Variants in SRFBP1 observed in about 807,000 individuals in gnomAD.
SRFBP1 encodes serum response factor-binding protein 1.
A neutral mutation model predicts 45.5 loss-of-function variants in SRFBP1; 47 were observed. The ratio of observed to expected loss-of-function variants is 1.03; its 90% CI spans 0.82 to 1.32. The LOEUF (loss-of-function observed/expected upper bound fraction) is 1.32. Ranked by LOEUF, SRFBP1 falls within the 40% of genes most tolerant of loss-of-function variation. SRFBP1 has a pLI of 0.00. For synonymous variants in SRFBP1, 203 were observed against 166.3 expected, an observed-to-expected ratio of 1.22 and a Z score of -1.70; for missense variants, 621 against 484.6, an observed-to-expected ratio of 1.28 and a Z score of -2.64.
intron 2 of SRFBP1, among the ~76,000 whole-genome samples, chr5:122,043,858 T>A (rs1024165524): frequency 6.6e-6 from 1 of 152,170 alleles, no homozygotes; most frequent in African/African-American, 2.4e-5. Context: ...AAATTTTTTT[T>A]ATTTAACTTT....
At chr5:122,052,356 A>T (rs1023648637) in intron 2 of SRFBP1, among the ~76,000 whole-genome samples, 3 of 152,172 alleles carry the variant, frequency 2.0e-5, no homozygotes, top group Non-Finnish European at 4.4e-5. Context: ...AGTTGTTTGC[A>T]TTCTCCCCAT....
chr5:121,975,171 A>G, intron 2 of SRFBP1, 144 bp from the exon 3 acceptor site: 1 of 799,272 alleles, frequency 1.3e-6, no homozygotes, highest in South Asian at 1.9e-5. Flanking sequence ...GGAGTGGGGG[A>G]AATGGACAGT....
intron 4 of SRFBP1, among the ~76,000 whole-genome samples, chr5:122,005,827 G>T (rs1454971484): frequency 6.6e-6 from 1 of 151,870 alleles, no homozygotes; most frequent in Non-Finnish European, 1.5e-5. Context: ...TCCTCCTCCT[G>T]CATTTAGGTG....
intron 2 of SRFBP1, among the ~76,000 whole-genome samples, chr5:122,037,155 C>G (rs888888888): frequency 6.6e-6 from 1 of 152,168 alleles, no homozygotes; most frequent in Non-Finnish European, 1.5e-5. Context: ...GCCTTGGCCT[C>G]CCAAAGTGCT....
intron 6 of SRFBP1, 99 bp downstream of exon 6, chr5:122,020,901 G>A: frequency 8.8e-7 from 1 of 1,137,694 alleles, no homozygotes; most frequent in Non-Finnish European, 1.2e-6. Flanking sequence ...ATTCTAGTTT[G>A]TACAACCCAT....
intron 2 of SRFBP1, among the ~76,000 whole-genome samples, chr5:122,052,787 G>A (rs1003538667): frequency 6.6e-6 from 1 of 152,110 alleles, no homozygotes; most frequent in African/African-American, 2.4e-5. Context: ...ACCTTGCTGG[G>A]CAAATAGTGC....
chr5:121,965,852 C>G (rs1168682999), intron 1 of SRFBP1, among the ~76,000 whole-genome samples: 2 of 152,124 alleles, frequency 1.3e-5, no homozygotes, highest in African/African-American at 2.4e-5. Context: ...TGTATGTGTC[C>G]TCTCTTATTT....
chr5:122,054,773 A>G (rs968768768), intron 2 of SRFBP1, among the ~76,000 whole-genome samples: 1 of 152,218 alleles, frequency 6.6e-6, no homozygotes, highest in South Asian at 2.1e-4. Flanking sequence ...AAATGTAAGA[A>G]TAGGCAAATG....
chr5:121,968,201 CAGAT>C lies in SRFBP1; in HGVS notation c.37-5992_37-5989del, dbSNP rs1752113839. ...GACCCCCAGTGTATGCTTAAAACCT[CAGAT>C]AGTACCAAACTCTGTCATTATTATT... On this transcript the variant is annotated intron_variant, in intron 1 of 7. Coordinates refer to ENST00000339397, the MANE Select transcript of SRFBP1 (RefSeq NM_152546.3). Among the ~76,000 whole-genome samples, 6 of 149,438 alleles carry C rather than the reference CAGAT, an allele frequency of 4.0e-5. No homozygotes were observed. In the South Asian group the frequency reaches 1.3e-3, roughly 32 times the overall value.
rs1259176797 is a variant in SRFBP1 at position 122,022,465 on chromosome 5, A to G, written c.1105+58A>G. ...CAATTAAGCTATGTTTTACCAGAGT[A>G]AAAGAATGAGAAATTGTTGTTGCTT... On this transcript the variant is annotated intron_variant, in intron 7 of 7. Transcript: ENST00000339397. The G allele has an allele frequency of 2.0e-6, 3 of 1,474,856 alleles. No homozygotes were observed. In the African/African-American group the frequency reaches 4.3e-5, roughly 21 times the overall value. 91.4% of individuals were successfully genotyped at this position (1,474,856 alleles called of 1,614,324 possible).
chr5:122,019,608 A>G (rs945953451), intron 5 of SRFBP1, among the ~76,000 whole-genome samples: 4 of 150,996 alleles, frequency 2.6e-5, no homozygotes, highest in African/African-American at 7.3e-5. Flanking sequence ...AAAGTTGAAT[A>G]GTTTTTTTAA....
downstream of SRFBP1, among the ~76,000 whole-genome samples, chr5:122,033,304 GT>G (rs1322064180): frequency 6.6e-6 from 1 of 151,802 alleles, no homozygotes; most frequent in Non-Finnish European, 1.5e-5. Context: ...TTTCTATCAT[GT>G]TATTTCTTTT....
At chr5:122,022,293 T>C in intron 6 of SRFBP1, 77 bp from the exon 7 acceptor site, 1 of 1,271,834 alleles carries the variant, frequency 7.9e-7, no homozygotes, top group Non-Finnish European at 1.1e-6. Context: ...AGTTTTATCA[T>C]CAATTTTGTT....
At position 122,008,121 on chromosome 5, in the gene SRFBP1, C is replaced by T. The variant is rs77065887; in HGVS notation, c.271-11139C>T. Among the ~76,000 whole-genome samples, 781 of 151,898 alleles carry T rather than the reference C, an allele frequency of 5.1e-3. 20 individuals carry two copies. The East Asian group carries it at 0.053, about 10-fold the overall frequency. On this transcript the variant is annotated intron_variant, in intron 4 of 7. Coordinates refer to ENST00000339397, the MANE Select transcript of SRFBP1 (RefSeq NM_152546.3). ...CCTGACAGGTCTGACAGGGGCTGAC[C>T]TAAATGCTGAGACCACAAGTGCTGA...
At chr5:122,059,755 G>A (rs1047959782) in intron 2 of SRFBP1, among the ~76,000 whole-genome samples, 1 of 152,050 alleles carries the variant, frequency 6.6e-6, no homozygotes, top group African/African-American at 2.4e-5. Flanking sequence ...TATAGTGTCT[G>A]TAAGTGTGTT....
intron 3 of SRFBP1, among the ~76,000 whole-genome samples, chr5:121,978,993 C>A (rs1752357746): frequency 6.6e-6 from 1 of 152,154 alleles, no homozygotes. Context: ...TTATTAAAAT[C>A]ATCCTTTGAG....
At chr5:122,021,878 G>A (rs1489647030) in intron 6 of SRFBP1, among the ~76,000 whole-genome samples, 2 of 150,794 alleles carry the variant, frequency 1.3e-5, no homozygotes, top group Non-Finnish European at 3.0e-5. Context: ...TTGTTTTCTA[G>A]TAGAGACGGG....
At chr5:121,966,363 T>C (rs1561573674) in intron 1 of SRFBP1, among the ~76,000 whole-genome samples, 1 of 152,314 alleles carries the variant, frequency 6.6e-6, no homozygotes, top group East Asian at 1.9e-4. Flanking sequence ...TTTGGTACTT[T>C]GAAGAGAGAA....
downstream of SRFBP1, among the ~76,000 whole-genome samples, chr5:122,078,843 A>G (rs1320319788): frequency 2.0e-5 from 3 of 152,258 alleles, no homozygotes; most frequent in Non-Finnish European, 4.4e-5. Flanking sequence ...TTTATTTCCT[A>G]CAGTGAATAT....
Sources: gnomAD v4.1 joint callset for allele counts (sites outside exome capture counted in the v4.1 genomes callset) on GRCh38, gnomAD v4.1.1 for gene constraint, MANE v1.5 for transcripts, NCBI Gene and HGNC (gene_info 2026-07-23, HGNC 2026-07-21) for gene names.